The following ARNT variants were observed in gnomAD, a reference collection of about 807,000 sequenced individuals.
ARNT encodes aryl hydrocarbon receptor nuclear translocator.
ARNT carries 30 observed loss-of-function variants against 105.0 expected under a neutral mutation model. The observed-to-expected ratio is 0.29, with a 90% CI of 0.21 to 0.39. The LOEUF is 0.39. ARNT is among the 10% of genes least tolerant of loss of function. ARNT has a pLI of 1.00. For missense variants in ARNT, 748 were observed against 978.7 expected (o/e 0.76, Z 3.15); for synonymous variants, 304 against 344.0 (o/e 0.88, Z 1.29).
chr1:150,829,633 G>A (rs1289427132), intron 11 of ARNT: 3 of 555,982 alleles, frequency 5.4e-6, no homozygotes, highest in Non-Finnish European at 9.7e-6. Context: ...TTTTGTATAG[G>A]GGCAAAGGAA....
chr1:150,838,501 C>T (rs1660702726), intron 6 of ARNT, among the ~76,000 whole-genome samples: 1 of 152,174 alleles, frequency 6.6e-6, no homozygotes, highest in Non-Finnish European at 1.5e-5. Flanking sequence ...AACATATTAA[C>T]TATTTCAATG....
intron 2 of ARNT, among the ~76,000 whole-genome samples, chr1:150,857,080 A>G (rs956991638): frequency 6.6e-6 from 1 of 152,230 alleles, no homozygotes; most frequent in Admixed American, 6.5e-5. Context: ...CCATAATACT[A>G]TTACCCAGAA....
intron 6 of ARNT, 62 bp downstream of exon 6, chr1:150,839,379 C>T (rs954291321): frequency 1.9e-5 from 30 of 1,571,128 alleles, no homozygotes; most frequent in South Asian, 3.4e-5. Flanking sequence ...GTCCAAAAAA[C>T]GAAAACTTTC....
At chr1:150,870,507 T>C (rs1213525315) in intron 1 of ARNT, among the ~76,000 whole-genome samples, 2 of 152,114 alleles carry the variant, frequency 1.3e-5, no homozygotes, top group Admixed American at 6.5e-5. Flanking sequence ...GCTGGTTTTG[T>C]TGTGTTTTTT....
intron 5 of ARNT, among the ~76,000 whole-genome samples, chr1:150,840,415 G>A (rs2101964611): frequency 6.6e-6 from 1 of 152,262 alleles, no homozygotes; most frequent in South Asian, 2.1e-4. Flanking sequence ...GCCAACTCAA[G>A]TATGTGGCTC....
At chr1:150,843,633 C>A (rs587749630) in intron 4 of ARNT, among the ~76,000 whole-genome samples, 5 of 152,234 alleles carry the variant, frequency 3.3e-5, no homozygotes, top group South Asian at 4.1e-4. Flanking sequence ...CTAGATAGTT[C>A]CTTAACAAAC....
intron 2 of ARNT, among the ~76,000 whole-genome samples, chr1:150,855,416 G>A (rs1351244240): frequency 6.6e-6 from 1 of 151,490 alleles, no homozygotes; most frequent in East Asian, 1.9e-4. Context: ...AAAAAAATTA[G>A]CCAGACGTGG....
chr1:150,823,133 G>T, intron 14 of ARNT, 61 bp downstream of exon 14: 1 of 1,400,226 alleles, frequency 7.1e-7, no homozygotes, highest in Non-Finnish European at 9.5e-7. Flanking sequence ...GGCATCAGAA[G>T]TGTTTTCTGT....
chr1:150,859,879 T>C (rs1255427386), intron 1 of ARNT, among the ~76,000 whole-genome samples: 1 of 151,990 alleles, frequency 6.6e-6, no homozygotes, highest in Non-Finnish European at 1.5e-5. Context: ...TGGTGGCCCA[T>C]GCCTGTAGTC....
chr1:150,817,536 G>GA, intron 15 of ARNT, 103 bp from the exon 16 acceptor site: 1 of 1,109,706 alleles, frequency 9.0e-7, no homozygotes, highest in Non-Finnish European at 1.3e-6. Context: ...GGCCGGGCAT[G>GA]GTGGCTCATG....
chr1:150,828,990 T>C (rs3738483), intron 12 of ARNT, 103 bp downstream of exon 12: 1,201,879 of 1,343,280 alleles, frequency 0.89, 539,884 homozygotes, highest in Non-Finnish European at 0.91. Context: ...CTCTTTTTCT[T>C]AACTGAGGTT....
At chr1:150,815,020 T>G (rs587608277) in intron 19 of ARNT, among the ~76,000 whole-genome samples, 2 of 152,242 alleles carry the variant, frequency 1.3e-5, no homozygotes, top group East Asian at 3.9e-4. Flanking sequence ...ATAAAGAAAA[T>G]AAGAATCATT....
chr1:150,829,614 T>A (rs1658962311), intron 11 of ARNT: 1 of 564,350 alleles, frequency 1.8e-6, no homozygotes, highest in Non-Finnish European at 3.2e-6. Flanking sequence ...ATGAAAAGGA[T>A]CTTTCTTCTT....
At chr1:150,813,791 T>G (rs587774059) in intron 20 of ARNT, among the ~76,000 whole-genome samples, 2 of 152,146 alleles carry the variant, frequency 1.3e-5, no homozygotes, top group Admixed American at 1.3e-4. Flanking sequence ...ATTACAGGCA[T>G]GCGGTACCAC....
chr1:150,836,216 CTT>C, intron 7 of ARNT, 62 bp downstream of exon 7: 3 of 1,528,884 alleles, frequency 2.0e-6, no homozygotes, highest in Non-Finnish European at 2.7e-6. Context: ...TAAAACATCT[CTT>C]AAGTCTCAGG....
chr1:150,848,524 G>A (rs1189898704), intron 3 of ARNT, among the ~76,000 whole-genome samples: 1 of 151,860 alleles, frequency 6.6e-6, no homozygotes, highest in African/African-American at 2.4e-5. Flanking sequence ...ATATAACTCT[G>A]CACTGTTTGA....
chr1:150,822,208 T>C (rs1486063024), intron 14 of ARNT, among the ~76,000 whole-genome samples: 1 of 152,144 alleles, frequency 6.6e-6, no homozygotes, highest in Non-Finnish European at 1.5e-5. Flanking sequence ...AAAAAATCCA[T>C]GTATAAGTGG....
intron 13 of ARNT, among the ~76,000 whole-genome samples, chr1:150,826,236 A>G (rs945022203): frequency 3.9e-5 from 6 of 152,116 alleles, no homozygotes; most frequent in Admixed American, 2.0e-4. Flanking sequence ...CTATTTTCAC[A>G]GCATCTACAG....
intron 14 of ARNT, 71 bp from the exon 15 acceptor site, chr1:150,818,101 G>T: frequency 9.2e-7 from 1 of 1,091,882 alleles, no homozygotes. Flanking sequence ...AGAAAGAGAA[G>T]AATAAGATTC....
Sources: allele counts gnomAD v4.1 joint callset (sites outside exome capture counted in the v4.1 genomes callset), GRCh38; gene constraint gnomAD v4.1.1; transcripts MANE v1.5; gene names NCBI Gene and HGNC (gene_info 2026-07-23, HGNC 2026-07-21).